The following NINJ2 variants were observed in gnomAD, a reference collection of about 807,000 sequenced individuals.
NINJ2 encodes ninjurin-2.
NINJ2 carries 12 observed loss-of-function variants against 11.7 expected under a neutral mutation model. The ratio of observed to expected loss-of-function variants is 1.02; its 90% CI spans 0.66 to 1.66. The LOEUF (loss-of-function observed/expected upper bound fraction) is 1.66. NINJ2 is among the 40% of genes most tolerant of loss of function. The probability of loss-of-function intolerance (pLI) is 0.00; values close to 1 mark genes in which losing one functional copy is unlikely to be tolerated. For missense variants in NINJ2, 187 were observed against 181.8 expected, an observed-to-expected ratio of 1.03 and a Z score of -0.16; for synonymous variants, 93 against 76.8, an observed-to-expected ratio of 1.21 and a Z score of -1.10.
Position 585,583 on chromosome 12 carries a change from C to A in NINJ2, c.34-19405G>T, listed in dbSNP as rs116226027. Among the ~76,000 whole-genome samples, 2,212 of 151,780 alleles carry A rather than the reference C, an allele frequency of 0.015. 39 individuals are homozygous for A. The highest frequency in any genetic ancestry group is 0.099 in the East Asian group (514 of 5,168). ...GGAGGGAAGGGAGGCTGAGCACAGG[C>A]ACGGTCACGCTGTGTTGCACCCTGG... On this transcript the variant is annotated intron_variant, in intron 1 of 3. Coordinates refer to ENST00000305108, the MANE Select transcript of NINJ2 (RefSeq NM_016533.6). The surrounding 1 kb of genome is among the most constrained non-coding windows in gnomAD (Gnocchi z 4.1).
At chr12:571,109 G>C (rs549393692) in intron 1 of NINJ2, among the ~76,000 whole-genome samples, 4 of 152,312 alleles carry the variant, frequency 2.6e-5, no homozygotes, top group African/African-American at 9.6e-5. Flanking sequence ...GCAGGACACT[G>C]ACCCAAGACT....
chr12:565,436 G>A lies in NINJ2; in HGVS notation c.263-35C>T, dbSNP rs779521863. 26 of 1,605,434 alleles carry A rather than the reference G, an allele frequency of 1.6e-5. No individual in the cohort carries two copies. In the Admixed American group the frequency reaches 2.7e-4, roughly 17 times the overall value. On this transcript the variant is annotated intron_variant, in intron 2 of 3. Transcript: ENST00000305108. ...AGTGGAGTGGGGGGAAAGGGTCAGA[G>A]ACGGGGCCACAGCACGGAGCTGCCC...
At chr12:602,516 T>C (rs910401101) in intron 1 of NINJ2, among the ~76,000 whole-genome samples, 7 of 152,270 alleles carry the variant, frequency 4.6e-5, no homozygotes, top group Admixed American at 1.3e-4. Flanking sequence ...ATTTTGCTTA[T>C]ACATTCCTCA....
intron 1 of NINJ2, among the ~76,000 whole-genome samples, chr12:600,682 G>A (rs1472720504): frequency 3.3e-5 from 5 of 150,876 alleles, no homozygotes; most frequent in Non-Finnish European, 1.5e-5. Context: ...GTGTGTGTGT[G>A]TGTGTGTGTG....
intron 1 of NINJ2, among the ~76,000 whole-genome samples, chr12:623,214 C>A (rs1033431450): frequency 4.6e-5 from 7 of 152,200 alleles, no homozygotes; most frequent in African/African-American, 1.7e-4. Context: ...CCAGCACTCC[C>A]TCCTGACAGT....
intron 1 of NINJ2, chr12:645,246 T>C (rs909300029): frequency 1.1e-4 from 16 of 152,172 alleles, no homozygotes; most frequent in African/African-American, 3.9e-4. Context: ...CGGGCCTCAG[T>C]TCTGCTGCTT....
At position 565,402 on chromosome 12, in the gene NINJ2, C is replaced by A. The variant is rs773026905; in HGVS notation, c.263-1G>T. 1.4e-5 allele frequency: 23 copies of A among 1,613,580 alleles called. No individual in the cohort carries two copies. In the South Asian group the frequency reaches 2.4e-4, roughly 17 times the overall value. On this transcript the variant is annotated splice_acceptor_variant, in intron 2 of 3. Transcript: ENST00000305108. LOFTEE classifies it high-confidence loss of function. ...TCTACCTCATTCAGGTTCAGCCGTG[C>A]TGCAGGGAAGTGGAGTGGGGGGAAA...
chr12:610,764 G>T (rs1037550897), intron 1 of NINJ2: 1 of 360,494 alleles, frequency 2.8e-6, no homozygotes, highest in Non-Finnish European at 3.5e-6. Flanking sequence ...ACGGAGTTTC[G>T]CTCTTGTTGC....
At chr12:613,579 A>T (rs1313240543) in intron 1 of NINJ2, among the ~76,000 whole-genome samples, 2 of 151,804 alleles carry the variant, frequency 1.3e-5, no homozygotes, top group East Asian at 3.9e-4. Context: ...ATTACACTCC[A>T]GACTAGGAGA....
intron 1 of NINJ2, among the ~76,000 whole-genome samples, chr12:639,979 TGCCCAG>T (rs201610393): frequency 6.6e-6 from 1 of 152,250 alleles, no homozygotes; most frequent in African/African-American, 2.4e-5. Context: ...TAGGAGGCCT[TGCCCAG>T]GCCCAGGCCC....
At chr12:646,288 C>G (rs1410521806) in intron 1 of NINJ2, among the ~76,000 whole-genome samples, 2 of 152,202 alleles carry the variant, frequency 1.3e-5, no homozygotes, top group Non-Finnish European at 2.9e-5. Flanking sequence ...TCAGCTTTTA[C>G]AGGAGCGTCC....
At chr12:605,374 C>T (rs1947928706) in intron 1 of NINJ2, among the ~76,000 whole-genome samples, 1 of 152,196 alleles carries the variant, frequency 6.6e-6, no homozygotes, top group African/African-American at 2.4e-5. Flanking sequence ...TATCCCCAGA[C>T]AGAAGTCCAG....
At chr12:583,101 G>C (rs1947580728) in intron 1 of NINJ2, among the ~76,000 whole-genome samples, 1 of 115,632 alleles carries the variant, frequency 8.6e-6, no homozygotes, top group Non-Finnish European at 1.8e-5. Context: ...AGGCATGCTA[G>C]TGTGAATGAA....
chr12:589,875 T>C (rs938680462), intron 1 of NINJ2, among the ~76,000 whole-genome samples: 1 of 151,674 alleles, frequency 6.6e-6, no homozygotes, highest in African/African-American at 2.4e-5. Flanking sequence ...TTTTCCTCCG[T>C]GGGGTGAGGC....
Position 627,949 on chromosome 12 carries a change from A to AG in NINJ2, c.33+35378dup, listed in dbSNP as rs147401607. 7.1e-3 allele frequency among the ~76,000 whole-genome samples: 1,083 copies of AG among 152,308 alleles called. 12 individuals carry two copies. The highest frequency in any genetic ancestry group is 0.024 in the African/African-American group (1,004 of 41,586). On this transcript the variant is annotated intron_variant, in intron 1 of 3. Coordinates refer to ENST00000305108, the MANE Select transcript of NINJ2 (RefSeq NM_016533.6). ...GACTCCGTCTCAAAAAGAAAAAAAA[A>AG]GTCTCAATCAGCTAGGCCAAGTCCT...
intron 1 of NINJ2, among the ~76,000 whole-genome samples, chr12:608,070 A>C (rs1173076814): frequency 6.6e-6 from 1 of 152,150 alleles, no homozygotes; most frequent in African/African-American, 2.4e-5. Flanking sequence ...GGATGGATGG[A>C]GGATGAGTAT....
chr12:574,199 GCAA>G lies in NINJ2; in HGVS notation c.34-8024_34-8022del, dbSNP rs1174206454. ...ATGGTGCCACTGCACTCCAGCCTGG[GCAA>G]CAAGAGCAAAACTCTGTCTCTAAAA... On this transcript the variant is annotated intron_variant, in intron 1 of 3. Transcript: ENST00000305108. Among the ~76,000 whole-genome samples, 19 of 152,250 alleles carry G rather than the reference GCAA, an allele frequency of 1.2e-4. No individual in the cohort carries two copies. In the East Asian group the frequency reaches 3.3e-3, roughly 26 times the overall value.
At chr12:609,318 T>C (rs71447502) in intron 1 of NINJ2, among the ~76,000 whole-genome samples, 1 of 65,742 alleles carries the variant, frequency 1.5e-5, no homozygotes, top group Non-Finnish European at 3.2e-5. Context: ...ACGCGCTAGG[T>C]GCTGAACGCA....
chr12:567,480 T>A (rs1210671226), intron 1 of NINJ2, among the ~76,000 whole-genome samples: 1 of 152,144 alleles, frequency 6.6e-6, no homozygotes, highest in Non-Finnish European at 1.5e-5. Flanking sequence ...GCTTCATGGA[T>A]GAAGGGATGG....
Sources: allele counts gnomAD v4.1 joint callset (sites outside exome capture counted in the v4.1 genomes callset), GRCh38; gene constraint gnomAD v4.1.1; non-coding constraint Gnocchi (gnomAD v3.1); transcripts MANE v1.5; gene names NCBI Gene and HGNC (gene_info 2026-07-23, HGNC 2026-07-21).